Variants in FAM81A observed in about 807,000 individuals in gnomAD.
The protein encoded by FAM81A is protein FAM81A.
FAM81A carries 19 observed loss-of-function variants against 46.7 expected under a neutral mutation model. The observed-to-expected ratio is 0.41, with a 90% CI of 0.28 to 0.60. FAM81A has a LOEUF of 0.60. FAM81A is among the 20% of genes least tolerant of loss of function. The pLI is 0.34. For synonymous variants in FAM81A, 183 were observed against 152.9 expected (o/e 1.20, Z -1.45); for missense variants, 377 against 453.5 (o/e 0.83, Z 1.53).
intron 2 of FAM81A, among the ~76,000 whole-genome samples, chr15:59,429,659 GC>G (rs2081211015): frequency 8.5e-5 from 13 of 152,226 alleles, no homozygotes; most frequent in Admixed American, 8.5e-4. Context: ...CAATGAATTA[GC>G]AATAACTTTG....
In FAM81A at chr15:59,431,181, C is replaced by T. The variant is rs566729747; in HGVS notation, c.-77-27369C>T. ...TCAGACCTGCTGGACATCACTCTTTCACTCTTGGGGCTTTCTTTTGTCATA... is the reference window on the plus strand; with the variant it reads ...TCAGACCTGCTGGACATCACTCTTTTACTCTTGGGGCTTTCTTTTGTCATA... On this transcript the variant is annotated intron_variant, in intron 2 of 4. Coordinates refer to the FAM81A transcript ENST00000558348. Among the ~76,000 whole-genome samples the T allele has an allele frequency of 2.5e-4, 38 of 152,206 alleles. No homozygotes were observed. The South Asian group carries it at 7.7e-3, about 31-fold the overall frequency.
intron 4 of FAM81A, among the ~76,000 whole-genome samples, chr15:59,502,946 A>G (rs2082110600): frequency 1.3e-5 from 2 of 152,236 alleles, no homozygotes; most frequent in South Asian, 2.1e-4. Context: ...CAGAAATGCA[A>G]TTAAATATAC....
At position 59,460,459 on chromosome 15, in the gene FAM81A, A is replaced by C. The variant is rs2081538519; in HGVS notation, c.294+253A>C. On this transcript the variant is annotated intron_variant, in intron 3 of 8. Coordinates refer to ENST00000288228, the MANE Select transcript of FAM81A (RefSeq NM_152450.3). This position sits in a 1 kb window ranked among gnomAD's most constrained non-coding sequence, Gnocchi z 4.4. ...AATTTACCTTGCTGATTATTAAATG[A>C]TTTTATTTTGTTTGGCTCTTAATGA... 2 of 561,704 alleles carry C rather than the reference A, an allele frequency of 3.6e-6. No individual in the cohort carries two copies. The highest frequency in any genetic ancestry group is 6.4e-6 in the Non-Finnish European group (2 of 313,432). 34.8% of individuals were successfully genotyped at this position (561,704 alleles called of 1,614,324 possible). A position where few individuals can be genotyped will look rare whatever the true frequency, so the allele number is the denominator to read the frequency against.
intron 7 of FAM81A, among the ~76,000 whole-genome samples, chr15:59,515,998 C>G (rs542686286): frequency 6.6e-6 from 1 of 152,268 alleles, no homozygotes; most frequent in South Asian, 2.1e-4. Flanking sequence ...TGCTAGAGCT[C>G]CAGCCATTCT....
At chr15:59,518,807 TA>T (rs1292152688) in intron 8 of FAM81A, among the ~76,000 whole-genome samples, 33 of 151,930 alleles carry the variant, frequency 2.2e-4, no homozygotes, top group African/African-American at 5.5e-4. Context: ...GTTTTTTAAA[TA>T]AAAAAAATTG....
rs1165105266 is a variant in FAM81A, at chr15:59,522,770, T to G, written c.*1392T>G. The G allele has an allele frequency of 9.8e-5, 15 of 152,652 alleles. No individual in the cohort carries two copies. The highest frequency in any genetic ancestry group is 3.6e-4 in the African/African-American group (15 of 41,458). The allele number at this position is 152,652 out of a possible 1,614,324, so 9.5% of individuals were successfully genotyped here. A position where few individuals can be genotyped will look rare whatever the true frequency, so the allele number is the denominator to read the frequency against. On this transcript the variant is annotated 3_prime_UTR_variant, in exon 9 of 9. Transcript: ENST00000288228. The stretch of plus-strand genomic sequence containing the variant: ...AGGAAAATAAAAAGCATTTTCTATT[T>G]TTAGGACAAATCACAAATGAAGTGT...
intron 2 of FAM81A, among the ~76,000 whole-genome samples, chr15:59,421,426 G>T (rs922295496): frequency 6.6e-6 from 1 of 152,148 alleles, no homozygotes; most frequent in Admixed American, 6.5e-5. Context: ...GCAGCTTAGC[G>T]TATAGCAGGA....
At chr15:59,420,037 T>A (rs2081164095) in intron 2 of FAM81A, among the ~76,000 whole-genome samples, 1 of 152,182 alleles carries the variant, frequency 6.6e-6, no homozygotes, top group African/African-American at 2.4e-5. Context: ...CAATGCCTCA[T>A]GCATACTGGA....
chr15:59,467,390 TG>T (rs1487479024), intron 3 of FAM81A, among the ~76,000 whole-genome samples: 1 of 152,216 alleles, frequency 6.6e-6, no homozygotes, highest in Non-Finnish European at 1.5e-5. Context: ...TGTTGAGCAG[TG>T]GTTTGTAGTT....
intron 3 of FAM81A, among the ~76,000 whole-genome samples, chr15:59,469,365 A>G (rs1382292297): frequency 2.0e-5 from 3 of 152,218 alleles, no homozygotes; most frequent in South Asian, 2.1e-4. Context: ...GTAGGTCTCT[A>G]AGGACTTGCT....
At chr15:59,409,787 C>T (rs2081112637) in intron 2 of FAM81A, among the ~76,000 whole-genome samples, 1 of 152,074 alleles carries the variant, frequency 6.6e-6, no homozygotes, top group Admixed American at 6.6e-5. Context: ...ATCCAATAGT[C>T]AGAATAACTC....
intron 1 of FAM81A, among the ~76,000 whole-genome samples, chr15:59,452,850 C>T (rs182704507): frequency 6.6e-6 from 1 of 152,172 alleles, no homozygotes; most frequent in Non-Finnish European, 1.5e-5. Context: ...CAGCTTCCAA[C>T]TTACCAGGCT....
At chr15:59,423,183 C>T (rs8041688) in intron 2 of FAM81A, among the ~76,000 whole-genome samples, 30,061 of 152,008 alleles carry the variant, frequency 0.2, 3,207 homozygotes, top group African/African-American at 0.26. Flanking sequence ...CTGCAAGCTC[C>T]GCCTCCCAAG....
At chr15:59,427,994 A>G (rs1270817919) in intron 2 of FAM81A, among the ~76,000 whole-genome samples, 1 of 152,230 alleles carries the variant, frequency 6.6e-6, no homozygotes, top group East Asian at 1.9e-4. Context: ...TGTTCTCCAT[A>G]GTGGCTGTGC....
intron 6 of FAM81A, among the ~76,000 whole-genome samples, 177 bp from the exon 7 acceptor site, chr15:59,514,112 G>C (rs1411930337): frequency 3.9e-5 from 6 of 152,140 alleles, no homozygotes; most frequent in Non-Finnish European, 8.8e-5. Flanking sequence ...AGGAAAAATA[G>C]CTAATAGATG....
At chr15:59,399,743 A>G (rs1367614366) in intron 1 of FAM81A, among the ~76,000 whole-genome samples, 1 of 152,132 alleles carries the variant, frequency 6.6e-6, no homozygotes, top group African/African-American at 2.4e-5. Context: ...CCTCATTCTC[A>G]GGTAATGTTC....
intron 1 of FAM81A, among the ~76,000 whole-genome samples, chr15:59,451,120 C>T (rs759964349): frequency 6.6e-6 from 1 of 152,156 alleles, no homozygotes; most frequent in South Asian, 2.1e-4. Flanking sequence ...GGGTTTAGAT[C>T]AGCATTGTTA....
At chr15:59,511,634 G>A (rs1214348369) in intron 6 of FAM81A, among the ~76,000 whole-genome samples, 3 of 152,156 alleles carry the variant, frequency 2.0e-5, no homozygotes, top group Non-Finnish European at 4.4e-5. Flanking sequence ...CAGTATTTTT[G>A]TAACAGCATT....
intron 3 of FAM81A, among the ~76,000 whole-genome samples, chr15:59,479,519 G>GAAAAAAAAAAAAAAAA (rs57107735): frequency 2.6e-4 from 19 of 72,674 alleles, no homozygotes; most frequent in South Asian, 5.4e-4. Context: ...TCAAAAATAA[G>GAAAAAAAAAAAAAAAA]AAAAAAAAAA....
Sources: allele counts gnomAD v4.1 joint callset (sites outside exome capture counted in the v4.1 genomes callset), GRCh38; gene constraint gnomAD v4.1.1; non-coding constraint Gnocchi (gnomAD v3.1); transcripts MANE v1.5; gene names NCBI Gene and HGNC (gene_info 2026-07-23, HGNC 2026-07-21).